Variants in MET observed in about 807,000 individuals in gnomAD.
MET encodes MET proto-oncogene, receptor tyrosine kinase, also known as hepatocyte growth factor receptor.
MET carries 48 observed loss-of-function variants against 133.1 expected under a neutral mutation model. The ratio of observed to expected loss-of-function variants is 0.36; its 90% CI spans 0.29 to 0.46. The LOEUF (loss-of-function observed/expected upper bound fraction) is 0.46, where lower values mean the gene tolerates loss of function less well. Ranked by LOEUF, MET falls within the 20% of genes least tolerant of loss-of-function variation. MET has a pLI of 1.00. For missense variants in MET, 1,442 were observed against 1,695.9 expected (o/e 0.85, Z 2.63); for synonymous variants, 628 against 616.5 (o/e 1.02, Z -0.28).
Position 116,744,278 on chromosome 7 carries a change from G to A in MET, c.1701+3253G>A, listed in dbSNP as rs370195854. Among the ~76,000 whole-genome samples, 4 of 152,120 alleles carry A rather than the reference G, an allele frequency of 2.6e-5. No individual in the cohort carries two copies. The East Asian group carries it at 7.8e-4, about 29-fold the overall frequency. Reference sequence around the variant, plus strand: ...GCATGTTCTAACCCAATGCAAGGAAGCTAAGAACCTTGAAAAAAAAGCTAG... The same window carrying A: ...GCATGTTCTAACCCAATGCAAGGAAACTAAGAACCTTGAAAAAAAAGCTAG... On this transcript the variant is annotated intron_variant, in intron 5 of 20. Transcript: ENST00000397752.
intron 18 of MET, 21 bp downstream of exon 18, chr7:116,782,118 G>A: frequency 6.7e-7 from 1 of 1,499,382 alleles, no homozygotes; most frequent in Non-Finnish European, 9.3e-7. Flanking sequence ...GAATCTCTGT[G>A]CCACAATCCA....
intron 2 of MET, among the ~76,000 whole-genome samples, chr7:116,713,370 G>A (rs1792074047): frequency 6.6e-6 from 1 of 151,512 alleles, no homozygotes; most frequent in South Asian, 2.1e-4. Context: ...ACTCCAGCCT[G>A]GGCGACAGAG....
intron 9 of MET, 104 bp from the exon 10 acceptor site, chr7:116,759,287 C>T (rs2116936132): frequency 6.6e-7 from 1 of 1,524,706 alleles, no homozygotes; most frequent in Non-Finnish European, 8.9e-7. Flanking sequence ...TTGACTGTGC[C>T]TCTGACCTGT....
In MET at chr7:116,787,023, C is replaced by T. The variant is rs145053814; in HGVS notation, c.3798+3554C>T. On this transcript the variant is annotated intron_variant, in intron 19 of 20. Transcript: ENST00000397752. The stretch of plus-strand genomic sequence containing the variant: ...GTAGGGGAACTATTAGAGAATAAGA[C>T]GAGGTGACTGGGAGTTTGTTTTCAA... 1.3e-3 allele frequency among the ~76,000 whole-genome samples: 204 copies of T among 152,200 alleles called. 1 individual carries two copies. Among genetic ancestry groups the T allele is most frequent in the African/African-American group, 4.5e-3 (186 of 41,514 alleles).
At chr7:116,773,435 G>A (rs749848254) in intron 14 of MET, among the ~76,000 whole-genome samples, 1 of 152,136 alleles carries the variant, frequency 6.6e-6, no homozygotes, top group African/African-American at 2.4e-5. Flanking sequence ...CATGCCAAAG[G>A]GCTTTTATCC....
intron 2 of MET, among the ~76,000 whole-genome samples, chr7:116,706,908 A>T (rs1489861340): frequency 2.8e-4 from 32 of 116,058 alleles, no homozygotes; most frequent in Admixed American, 1.5e-3. Flanking sequence ...TTTTTTTTTT[A>T]AATAGTATAT....
chr7:116,727,079 G>A (rs1792821844), intron 2 of MET, among the ~76,000 whole-genome samples: 1 of 152,180 alleles, frequency 6.6e-6, no homozygotes, highest in African/African-American at 2.4e-5. Context: ...GTAGCAAGGA[G>A]AGCTAGGTTT....
At chr7:116,707,627 G>T (rs1791849521) in intron 2 of MET, among the ~76,000 whole-genome samples, 1 of 152,096 alleles carries the variant, frequency 6.6e-6, no homozygotes, top group Non-Finnish European at 1.5e-5. Context: ...ATTAACACTT[G>T]CATCTAGCAA....
At chr7:116,752,329 T>C (rs1187275743) in intron 5 of MET, among the ~76,000 whole-genome samples, 2 of 152,206 alleles carry the variant, frequency 1.3e-5, no homozygotes, top group Admixed American at 1.3e-4. Flanking sequence ...AAAATACTGT[T>C]GGAATGGGCC....
chr7:116,757,562 A>G (rs1562921911), intron 7 of MET, 23 bp downstream of exon 7: 1 of 1,612,932 alleles, frequency 6.2e-7, no homozygotes, highest in South Asian at 1.1e-5. Context: ...CTATCCTATC[A>G]TGTTTGATTT....
At chr7:116,682,502 T>G (rs551383880) in intron 1 of MET, among the ~76,000 whole-genome samples, 4 of 152,334 alleles carry the variant, frequency 2.6e-5, no homozygotes, top group Admixed American at 6.5e-5. Flanking sequence ...ATAAAAATAA[T>G]TAAATGCTGG....
At chr7:116,722,895 C>G (rs1792556834) in intron 2 of MET, among the ~76,000 whole-genome samples, 1 of 148,922 alleles carries the variant, frequency 6.7e-6, no homozygotes, top group African/African-American at 2.5e-5. Context: ...CCCGACCTTT[C>G]TCTCTGGCTG....
At chr7:116,762,601 C>T (rs1388106244) in intron 10 of MET, among the ~76,000 whole-genome samples, 1 of 152,064 alleles carries the variant, frequency 6.6e-6, no homozygotes, top group East Asian at 1.9e-4. Context: ...ATCTTAATTC[C>T]TAAATGAGGA....
chr7:116,698,987 T>C (rs1432469613), intron 1 of MET, 84 bp from the exon 2 acceptor site: 5 of 1,588,662 alleles, frequency 3.1e-6, no homozygotes, highest in Non-Finnish European at 4.3e-6. Flanking sequence ...GCTTTATTTC[T>C]GATAGATTAA....
At chr7:116,685,807 T>C (rs1796530780) in intron 1 of MET, among the ~76,000 whole-genome samples, 1 of 152,180 alleles carries the variant, frequency 6.6e-6, no homozygotes, top group Non-Finnish European at 1.5e-5. Flanking sequence ...AGCCATTCTC[T>C]CTGTTAAAAA....
intron 5 of MET, among the ~76,000 whole-genome samples, chr7:116,741,819 C>T (rs1793469370): frequency 6.6e-6 from 1 of 152,178 alleles, no homozygotes; most frequent in Non-Finnish European, 1.5e-5. Flanking sequence ...CCCTCTAGTC[C>T]CTGAGGAGAT....
rs2116604518 is a variant in MET at position 116,700,145 on chromosome 7, C to A, written c.1061C>A (p.Ala354Asp). 1 of 1,596,850 alleles carries A rather than the reference C, an allele frequency of 6.3e-7. No individual in the cohort carries two copies. Among genetic ancestry groups the A allele is most frequent in the Non-Finnish European group, 8.5e-7 (1 of 1,172,094 alleles). The change falls in exon 2 of 21, where the codon GCC (alanine) becomes GAC (aspartate). Residue 354 changes from alanine (A) to aspartate (D), a missense_variant. Around this residue, in one of 6 missense-constraint regions of MET, gnomAD observed 762 missense variants for 792.4 expected, o/e 0.96. Transcript: ENST00000397752. Reference sequence around the variant, plus strand: ...TTCGCACAAAGCAAGCCAGATTCTGCCGAACCAATGGATCGATCTGCCATG... The same window carrying A: ...TTCGCACAAAGCAAGCCAGATTCTGACGAACCAATGGATCGATCTGCCATG... ...GVFAQSKPDS[A>D]EPMDRSAMCA...
intron 1 of MET, among the ~76,000 whole-genome samples, chr7:116,677,195 A>G (rs1796193288): frequency 6.6e-6 from 1 of 152,084 alleles, no homozygotes; most frequent in Admixed American, 6.5e-5. Context: ...GTATAAATCT[A>G]AAGACAGCAA....
chr7:116,733,861 C>T (rs775399904), intron 3 of MET, among the ~76,000 whole-genome samples: 3 of 151,984 alleles, frequency 2.0e-5, no homozygotes, highest in Non-Finnish European at 2.9e-5. Flanking sequence ...GGAAAGATAC[C>T]TGATAATAAT....
Sources: gnomAD v4.1 joint callset for allele counts (sites outside exome capture counted in the v4.1 genomes callset) on GRCh38, gnomAD v4.1.1 for gene constraint, gnomAD v4.1.1 regional missense constraint, MANE v1.5 for transcripts, NCBI Gene and HGNC (gene_info 2026-07-23, HGNC 2026-07-21) for gene names.